Variants in KIF20A observed in about 807,000 individuals in gnomAD.
KIF20A encodes the protein kinesin-like protein KIF20A.
A neutral mutation model predicts 113.0 loss-of-function variants in KIF20A; 66 were observed. The ratio of observed to expected loss-of-function variants is 0.58; its 90% CI spans 0.48 to 0.72. The LOEUF is 0.72. KIF20A is among the 30% of genes least tolerant of loss of function. The pLI is 0.00. For missense variants in KIF20A, 927 were observed against 1,077.6 expected, an observed-to-expected ratio of 0.86 and a Z score of 1.96; for synonymous variants, 376 against 402.3, an observed-to-expected ratio of 0.93 and a Z score of 0.78.
Position 138,184,248 on chromosome 5 carries a change from G to C in KIF20A, c.1362G>C (p.Gln454His). ...TCTGATTCTCTGCCAGGTCAAAGCA[G>C]AACCTGGTTCCCTTCCGTGACAGCA... ...LRQNQQNRSKQNLVPFRDSKL... is the reference protein window; with the variant it reads ...LRQNQQNRSKHNLVPFRDSKL... The change falls in exon 12 of 19, where the codon CAG (glutamine) becomes CAC (histidine). Residue 454 changes from glutamine to histidine, a missense_variant. Coordinates refer to ENST00000394894, the MANE Select transcript of KIF20A (RefSeq NM_005733.3). 1 of 1,614,136 alleles carries C rather than the reference G, an allele frequency of 6.2e-7. No homozygotes were observed.
rs1561630784 is a variant in KIF20A at position 138,185,929 on chromosome 5, C to T, written c.2126-32C>T. On this transcript the variant is annotated intron_variant, in intron 16 of 18. Transcript: ENST00000394894. ...TTAGTCCAAGGCTAAAAAAACCCCACATATTTTAAGTTTCCTGTTTCCTTC... is the reference window on the plus strand; with the variant it reads ...TTAGTCCAAGGCTAAAAAAACCCCATATATTTTAAGTTTCCTGTTTCCTTC... The T allele has an allele frequency of 2.5e-6, 4 of 1,594,128 alleles. No homozygotes were observed. In the Admixed American group the frequency reaches 5.0e-5, roughly 20 times the overall value.
intron 2 of KIF20A, among the ~76,000 whole-genome samples, chr5:138,180,944 C>T (rs1378659083): frequency 6.6e-5 from 10 of 152,142 alleles, no homozygotes; most frequent in South Asian, 6.2e-4. Context: ...CCCAAAGTGC[C>T]GGGATTATAG....
At position 138,184,842 on chromosome 5, in the gene KIF20A, GCTTTTGAAGGAA is replaced by G. The variant is rs1212777445; in HGVS notation, c.1721_1732del (p.Leu574_Glu577del). 1 of 1,614,186 alleles carries G rather than the reference GCTTTTGAAGGAA, an allele frequency of 6.2e-7. No homozygotes were observed. ...AAGTTGTGGAAGCCATGAAGACACT[GCTTTTGAAGGAA>G]CGACAGGAAAAGCTACAGCTGGAGA... On this transcript the variant is annotated inframe_deletion, in exon 14 of 19. Coordinates refer to ENST00000394894, the MANE Select transcript of KIF20A (RefSeq NM_005733.3).
chr5:138,187,398 T>C lies in KIF20A; in HGVS notation c.2658T>C (p.Phe886=). The C allele has an allele frequency of 1.2e-6, 2 of 1,612,800 alleles. No homozygotes were observed. Among genetic ancestry groups the C allele is most frequent in the Non-Finnish European group, 1.7e-6 (2 of 1,179,324 alleles). Residue 886 remains phenylalanine, a synonymous_variant, in exon 19 of 19, where the codon TTT becomes TTC. Transcript: ENST00000394894. ...CCCCTTTACTCAAATCTGGGCCTTT[T>C]GGCAAAAAGTACTAAGGCTGTGGGG... ...RRSPLLKSGP[F]GKKY
In KIF20A at chr5:138,182,606, ATTCT is replaced by A. The variant is rs1561628989; in HGVS notation, c.536_539del (p.Ile179ThrfsTer7). ...TCCAGGTACCATCAAGGATGGAGGG[ATTCT>A]CCCCCGGTCCCTGGCGCTGATCTTC... is the stretch of plus-strand genomic sequence containing the variant. On this transcript the variant is annotated frameshift_variant, in exon 6 of 19. Transcript: ENST00000394894. LOFTEE classifies it high-confidence loss of function. 6.2e-7 allele frequency: 1 copy of A among 1,613,944 alleles called. No individual in the cohort carries two copies. Among genetic ancestry groups the A allele is most frequent in the East Asian group, 2.2e-5 (1 of 44,886 alleles).
rs1561630476 is a variant in KIF20A, at chr5:138,185,167, A to T, written c.1896A>T (p.Ser632=). 1.2e-6 allele frequency: 2 copies of T among 1,613,776 alleles called. No homozygotes were observed. The highest frequency in any genetic ancestry group is 1.7e-6 in the Non-Finnish European group (2 of 1,179,754). The change falls in exon 15 of 19, where the codon TCA becomes TCT. Residue 632 remains serine (S), a synonymous_variant. Transcript: ENST00000394894. ...YEEKLNILKE[S]LTSFYQEEIQ... is the part of the protein sequence containing the mutation. ...AAAAACTAAATATCCTCAAGGAGTC[A>T]CTGACAAGTTTTTACCAAGAAGAGA...
In KIF20A at chr5:138,181,520, C is replaced by G; in HGVS notation, c.255+9C>G. 6.2e-7 allele frequency: 1 copy of G among 1,614,032 alleles called. No homozygotes were observed. Among genetic ancestry groups the G allele is most frequent in the Non-Finnish European group, 8.5e-7 (1 of 1,179,918 alleles). On this transcript the variant is annotated intron_variant, in intron 3 of 18. Coordinates refer to ENST00000394894, the MANE Select transcript of KIF20A (RefSeq NM_005733.3). ...AACGACAGGAAGATCAGGTAAGTGTCTGAGAAGGGAGGATTCAAGGTGAAA... is the reference window on the plus strand; with the variant it reads ...AACGACAGGAAGATCAGGTAAGTGTGTGAGAAGGGAGGATTCAAGGTGAAA...
chr5:138,182,787 A>T lies in KIF20A; in HGVS notation c.702+14A>T. 3 of 1,613,668 alleles carry T rather than the reference A, an allele frequency of 1.9e-6. No individual in the cohort carries two copies. The highest frequency in any genetic ancestry group is 2.5e-6 in the Non-Finnish European group (3 of 1,179,966). On this transcript the variant is annotated intron_variant, in intron 6 of 18. Transcript: ENST00000394894. Reference sequence around the variant, plus strand: ...GGCCTCCAAGAGGTAAAGCATTGGTATCCATGGCAGTGGGGGTAGGGGGTA... The same window carrying T: ...GGCCTCCAAGAGGTAAAGCATTGGTTTCCATGGCAGTGGGGGTAGGGGGTA...
At position 138,187,588 on chromosome 5, in the gene KIF20A, G is replaced by A; in HGVS notation, c.*175G>A. ...ATAACCACCTATGTAATCTCATGTTGTTGTTTTTTTTTATTTACTTATATG... is the reference window on the plus strand; with the variant it reads ...ATAACCACCTATGTAATCTCATGTTATTGTTTTTTTTTATTTACTTATATG... On this transcript the variant is annotated 3_prime_UTR_variant, in exon 19 of 19. Coordinates refer to ENST00000394894, the MANE Select transcript of KIF20A (RefSeq NM_005733.3). The A allele has an allele frequency of 4.0e-6, 2 of 506,228 alleles. No homozygotes were observed. The highest frequency in any genetic ancestry group is 6.8e-6 in the Non-Finnish European group (2 of 293,634). The allele number at this position is 506,228 out of a possible 1,614,324, so 31.4% of individuals were successfully genotyped here. A position where few individuals can be genotyped will look rare whatever the true frequency, so the allele number is the denominator to read the frequency against.
chr5:138,182,950 C>T lies in KIF20A; in HGVS notation c.792C>T (p.Leu264=). 4.3e-6 allele frequency: 7 copies of T among 1,614,224 alleles called. No individual in the cohort carries two copies. The highest frequency in any genetic ancestry group is 5.1e-6 in the Non-Finnish European group (6 of 1,180,034). Residue 264 remains leucine (L), a synonymous_variant, in exon 7 of 19, where the codon CTC becomes CTT. Coordinates refer to ENST00000394894, the MANE Select transcript of KIF20A (RefSeq NM_005733.3). ...STSFDSGIAG[L]SSISQCTSSS... is the part of the protein sequence containing the mutation. The stretch of plus-strand genomic sequence containing the variant: ...GCTTCGACAGTGGCATTGCTGGGCT[C>T]TCTTCTATCAGTCAGTGTACCAGCA...
intron 4 of KIF20A, 46 bp downstream of exon 4, chr5:138,181,774 C>A: frequency 1.2e-6 from 2 of 1,605,700 alleles, no homozygotes; most frequent in Non-Finnish European, 1.7e-6. Flanking sequence ...CATGTAAGGG[C>A]AACTTTATTC....
intron 17 of KIF20A, 30 bp from the exon 18 acceptor site, chr5:138,186,264 A>G (rs1480547517): frequency 1.3e-6 from 2 of 1,577,132 alleles, no homozygotes; most frequent in Admixed American, 2.1e-5. Context: ...GCTCTTGGCC[A>G]CAATATGATT....
intron 2 of KIF20A, 76 bp downstream of exon 2, chr5:138,179,921 G>A: frequency 7.0e-7 from 1 of 1,434,428 alleles, no homozygotes; most frequent in African/African-American, 1.4e-5. Flanking sequence ...GGTAGTATGA[G>A]GTCAAAGACT....
In KIF20A at chr5:138,183,354, TATGTGAA is replaced by T. The variant is rs755999648; in HGVS notation, c.1020_1026del (p.Tyr340Ter). The T allele has an allele frequency of 6.2e-7, 1 of 1,614,154 alleles. No individual in the cohort carries two copies. Among genetic ancestry groups the T allele is most frequent in the Non-Finnish European group, 8.5e-7 (1 of 1,180,002 alleles). ...ATGCGAGGATCAAAATGGCAATCCCTATGTGAAAGGTAAAGGAACATGGGGAAAGCTG... is the reference window on the plus strand; with the variant it reads ...ATGCGAGGATCAAAATGGCAATCCCTAGGTAAAGGAACATGGGGAAAGCTG... On this transcript the variant is annotated frameshift_variant and splice_region_variant, in exon 8 of 19. Transcript: ENST00000394894. LOFTEE classifies it high-confidence loss of function. The surrounding 1 kb of genome is among the most constrained non-coding windows in gnomAD (Gnocchi z 5.2).
Position 138,186,328 on chromosome 5 carries a change from T to G in KIF20A, c.2252T>G (p.Leu751Arg). Residue 751 changes from leucine to arginine, a missense_variant, in exon 18 of 19, where the codon CTT becomes CGT. Physicochemically the swap from Leu to Arg is moderately radical, Grantham distance 102. Transcript: ENST00000394894. Reference protein sequence around the residue: ...IRLLRTELQKLGESLQSAERA... With the variant: ...IRLLRTELQKRGESLQSAERA... Reference sequence around the variant, plus strand: ...CTGTTGCGGACAGAGCTTCAGAAACTTGGTGAGTCTCTCCAATCAGCAGAG... The same window carrying G: ...CTGTTGCGGACAGAGCTTCAGAAACGTGGTGAGTCTCTCCAATCAGCAGAG... 1 of 1,598,758 alleles carries G rather than the reference T, an allele frequency of 6.3e-7. No homozygotes were observed. Among genetic ancestry groups the G allele is most frequent in the Non-Finnish European group, 8.5e-7 (1 of 1,176,650 alleles).
chr5:138,187,517 C>A lies in KIF20A; in HGVS notation c.*104C>A. 1.1e-6 allele frequency: 1 copy of A among 913,010 alleles called. No homozygotes were observed. Among genetic ancestry groups the A allele is most frequent in the Non-Finnish European group, 1.6e-6 (1 of 610,998 alleles). 56.6% of individuals were successfully genotyped at this position (913,010 alleles called of 1,614,324 possible). A position where few individuals can be genotyped will look rare whatever the true frequency, so the allele number is the denominator to read the frequency against. On this transcript the variant is annotated 3_prime_UTR_variant, in exon 19 of 19. Coordinates refer to ENST00000394894, the MANE Select transcript of KIF20A (RefSeq NM_005733.3). ...CTTTACCATATATCAGGAATTATAT[C>A]CAGGATGCAATACTCAGACACTAGC... is the stretch of plus-strand genomic sequence containing the variant.
rs769571033 is a variant in KIF20A at position 138,184,616 on chromosome 5, A to G, written c.1623A>G (p.Ala541=). The G allele has an allele frequency of 6.2e-7, 1 of 1,614,212 alleles. No individual in the cohort carries two copies. The highest frequency in any genetic ancestry group is 1.7e-5 in the Admixed American group (1 of 60,028). Residue 541 remains alanine (A), a synonymous_variant, in exon 13 of 19, where the codon GCA becomes GCG. Transcript: ENST00000394894. ...VSPSLEKGAK[A]DTGLDDDIEN... ...CCAGCTTAGAGAAAGGGGCTAAGGC[A>G]GACACAGGCCTTGATGATGATATTG...
At position 138,184,135 on chromosome 5, in the gene KIF20A, T is replaced by C. The variant is rs373923627; in HGVS notation, c.1352+30T>C. 3.2e-5 allele frequency: 52 copies of C among 1,613,498 alleles called. No individual in the cohort carries two copies. The African/African-American group carries it at 5.2e-4, about 16-fold the overall frequency. ...GCTTTTGACTATAATTCCTGGGCTC[T>C]GCAATTTGCTAAGAGACTTCCTGGA... On this transcript the variant is annotated intron_variant, in intron 11 of 18. Coordinates refer to ENST00000394894, the MANE Select transcript of KIF20A (RefSeq NM_005733.3).
chr5:138,181,664 C>A lies in KIF20A; in HGVS notation c.311C>A (p.Ser104Tyr). The change falls in exon 4 of 19, where the codon TCT becomes TAT. Residue 104 changes from serine (S) to tyrosine (Y), a missense_variant. By Grantham distance (144) the Ser-to-Tyr change is moderately radical (BLOSUM62 -2). Coordinates refer to ENST00000394894, the MANE Select transcript of KIF20A (RefSeq NM_005733.3). ...CTTGTTCTACAAGCACCCAAGGACT[C>A]TTTTGCCCTGAAGAGCAATGAACGG... ...ETLVLQAPKDSFALKSNERGI... is the reference protein window; with the variant it reads ...ETLVLQAPKDYFALKSNERGI... 2 of 1,614,224 alleles carry A rather than the reference C, an allele frequency of 1.2e-6. No homozygotes were observed. The highest frequency in any genetic ancestry group is 1.3e-5 in the African/African-American group (1 of 75,062).
Sources: allele counts gnomAD v4.1 joint callset (sites outside exome capture counted in the v4.1 genomes callset), GRCh38; gene constraint gnomAD v4.1.1; non-coding constraint Gnocchi (gnomAD v3.1); transcripts MANE v1.5; gene names NCBI Gene and HGNC (gene_info 2026-07-23, HGNC 2026-07-21).